EMILIN2: variants seen among roughly 807,000 people sequenced by gnomAD.
EMILIN2 encodes the protein EMILIN-2.
A neutral mutation model predicts 87.1 loss-of-function variants in EMILIN2; 71 were observed. That is an observed-to-expected ratio of 0.82 (90% CI 0.67 to 0.99). EMILIN2 has a LOEUF of 0.99. Ranked by LOEUF, EMILIN2 falls within the 50% of genes least tolerant of loss-of-function variation. The pLI is 0.00. For synonymous variants in EMILIN2, 581 were observed against 563.4 expected, an observed-to-expected ratio of 1.03 and a Z score of -0.44; for missense variants, 1,407 against 1,371.8, an observed-to-expected ratio of 1.03 and a Z score of -0.40.
rs373798733 is a variant in EMILIN2, at chr18:2,891,815, G to A, written c.1688G>A (p.Gly563Glu). ...CLLNIQGKPH[G>E]MEGALPNRED... ...CTGAACATCCAGGGAAAGCCTCATGGGATGGAAGGTGCCTTGCCAAACAGG... is the reference window on the plus strand; with the variant it reads ...CTGAACATCCAGGGAAAGCCTCATGAGATGGAAGGTGCCTTGCCAAACAGG... Residue 563 changes from glycine to glutamate, a missense_variant, in exon 4 of 8, where the codon GGG becomes GAG. Physicochemically the swap from Gly to Glu is moderately conservative, Grantham distance 98 (BLOSUM62 -2). Coordinates refer to ENST00000254528, the MANE Select transcript of EMILIN2 (RefSeq NM_032048.3). This position sits in a 1 kb window ranked among gnomAD's most constrained non-coding sequence, Gnocchi z 4.6. The A allele has an allele frequency of 6.6e-5, 107 of 1,614,230 alleles. No homozygotes were observed. The African/African-American group carries it at 1.3e-3, about 19-fold the overall frequency.
intron 5 of EMILIN2, among the ~76,000 whole-genome samples, chr18:2,908,331 CATCG>C (rs1310321419): frequency 6.6e-6 from 1 of 152,142 alleles, no homozygotes; most frequent in Non-Finnish European, 1.5e-5. Flanking sequence ...TGTATCCACC[CATCG>C]ATACATCCAT....
At position 2,906,764 on chromosome 18, in the gene EMILIN2, T is replaced by A; in HGVS notation, c.2360-19T>A. Reference sequence around the variant, plus strand: ...GGTTTCCTAATCCCGTGTGTTTCTTTCTCCCCGACGCCCGGCAGAGGCGCC... The same window carrying A: ...GGTTTCCTAATCCCGTGTGTTTCTTACTCCCCGACGCCCGGCAGAGGCGCC... On this transcript the variant is annotated intron_variant, in intron 4 of 7. Coordinates refer to ENST00000254528, the MANE Select transcript of EMILIN2 (RefSeq NM_032048.3). 1 of 1,276,632 alleles carries A rather than the reference T, an allele frequency of 7.8e-7. No homozygotes were observed. The highest frequency in any genetic ancestry group is 9.8e-7 in the Non-Finnish European group (1 of 1,015,714). The allele number at this position is 1,276,632 out of a possible 1,614,324, so 79.1% of individuals were successfully genotyped here.
rs2076952359 is a variant in EMILIN2, at chr18:2,913,428, A to C, written c.*24A>C. On this transcript the variant is annotated 3_prime_UTR_variant, in exon 8 of 8. Transcript: ENST00000254528. ...AAGGTGGCTGGGGAGATGTCAGGGGAAAGATAGATAGTTGTAAAAACTCTA... is the reference window on the plus strand; with the variant it reads ...AAGGTGGCTGGGGAGATGTCAGGGGCAAGATAGATAGTTGTAAAAACTCTA... 6.6e-7 allele frequency: 1 copy of C among 1,524,290 alleles called. No homozygotes were observed. The highest frequency in any genetic ancestry group is 8.9e-7 in the Non-Finnish European group (1 of 1,128,010). 94.4% of individuals were successfully genotyped at this position (1,524,290 alleles called of 1,614,324 possible). A position where few individuals can be genotyped will look rare whatever the true frequency, so the allele number is the denominator to read the frequency against.
rs937240650 is a variant in EMILIN2, at chr18:2,914,935, CAG to C, written c.*1536_*1537del. The C allele has an allele frequency of 1.8e-4, 27 of 152,358 alleles. No individual in the cohort carries two copies. Among genetic ancestry groups the C allele is most frequent in the African/African-American group, 4.1e-4 (17 of 41,574 alleles). 9.4% of individuals were successfully genotyped at this position (152,358 alleles called of 1,614,324 possible). On this transcript the variant is annotated 3_prime_UTR_variant, in exon 8 of 8. Coordinates refer to ENST00000254528, the MANE Select transcript of EMILIN2 (RefSeq NM_032048.3). The stretch of plus-strand genomic sequence containing the variant: ...TGGGGAACTGGCTAAAGAGAGCTGT[CAG>C]AGAGTATCCTTGGCTGTCCTAGGAA...
chr18:2,870,918 C>T (rs1018750186), intron 2 of EMILIN2, among the ~76,000 whole-genome samples: 12 of 152,212 alleles, frequency 7.9e-5, no homozygotes, highest in African/African-American at 2.9e-4. Context: ...GTGTGTCTGT[C>T]TCTGTCTCCA....
chr18:2,900,877 A>C (rs77690768), intron 4 of EMILIN2, among the ~76,000 whole-genome samples: 1 of 152,336 alleles, frequency 6.6e-6, no homozygotes, highest in East Asian at 1.9e-4. Context: ...TTTAAAAAAA[A>C]GTCTGAAGTC....
chr18:2,878,154 C>CT (rs1268511473), intron 2 of EMILIN2, among the ~76,000 whole-genome samples: 6 of 152,036 alleles, frequency 3.9e-5, no homozygotes, highest in African/African-American at 1.5e-4. Context: ...GTTAAGTGTG[C>CT]TTAACACCGC....
At chr18:2,857,654 G>A (rs910669634) in intron 2 of EMILIN2, among the ~76,000 whole-genome samples, 61 of 152,290 alleles carry the variant, frequency 4.0e-4, no homozygotes, top group African/African-American at 1.3e-3. Context: ...CCATTAAAGC[G>A]ACTCTGGCTT....
rs139666930 is a variant in EMILIN2 at position 2,908,949 on chromosome 18, C to G, written c.2669C>G (p.Pro890Arg). Residue 890 changes from proline to arginine, a missense_variant, in exon 6 of 8, where the codon CCG (proline) becomes CGG (arginine). Transcript: ENST00000254528. The part of the protein sequence containing the change: ...AEGFAGAPGY[P>R]KSPPVASPGA... ...TTTCCTTTCTGTTTTTCAGGATACC[C>G]GAAGTCACCTCCTGTAGCTTCCCCA... 2 of 1,613,484 alleles carry G rather than the reference C, an allele frequency of 1.2e-6. No homozygotes were observed. Among genetic ancestry groups the G allele is most frequent in the Non-Finnish European group, 1.7e-6 (2 of 1,180,030 alleles).
intron 2 of EMILIN2, among the ~76,000 whole-genome samples, chr18:2,883,610 C>T (rs1166509954): frequency 6.6e-6 from 1 of 152,224 alleles, no homozygotes; most frequent in Non-Finnish European, 1.5e-5. Context: ...CTCCTGGCTC[C>T]TTCCCTGGTG....
chr18:2,864,541 T>C (rs927347049), intron 2 of EMILIN2, among the ~76,000 whole-genome samples: 6 of 152,252 alleles, frequency 3.9e-5, no homozygotes, highest in Non-Finnish European at 8.8e-5. Context: ...GAATGTTGAA[T>C]ATTGGCCCCC....
chr18:2,899,463 C>T (rs567270171), intron 4 of EMILIN2, among the ~76,000 whole-genome samples: 22 of 152,146 alleles, frequency 1.4e-4, no homozygotes, highest in Admixed American at 7.2e-4. Flanking sequence ...TCCTCCTATG[C>T]GCTTCCATAT....
chr18:2,896,735 C>T (rs2076865711), intron 4 of EMILIN2, among the ~76,000 whole-genome samples: 1 of 152,112 alleles, frequency 6.6e-6, no homozygotes, highest in South Asian at 2.1e-4. Context: ...GATTCGCCTG[C>T]CTCAGCCTGG....
At position 2,894,080 on chromosome 18, in the gene EMILIN2, TG is replaced by T. The variant is rs2076852203; in HGVS notation, c.2359+1595del. Among the ~76,000 whole-genome samples, 1 of 152,166 alleles carries T rather than the reference TG, an allele frequency of 6.6e-6. No homozygotes were observed. The highest frequency in any genetic ancestry group is 2.1e-4 in the South Asian group (1 of 4,824). On this transcript the variant is annotated intron_variant, in intron 4 of 7. Transcript: ENST00000254528. The surrounding 1 kb of genome is among the most constrained non-coding windows in gnomAD (Gnocchi z 5.0). The stretch of plus-strand genomic sequence containing the variant: ...TTCCGCTCTGGGTGACACAGGCCCT[TG>T]CACAAGGAACTGAGATTTCATGGCC...
intron 3 of EMILIN2, among the ~76,000 whole-genome samples, chr18:2,889,356 T>C (rs2076821165): frequency 6.6e-6 from 1 of 152,070 alleles, no homozygotes; most frequent in African/African-American, 2.4e-5. Flanking sequence ...CAGGCTGGTC[T>C]TGAACTCCTA....
intron 4 of EMILIN2, among the ~76,000 whole-genome samples, chr18:2,896,258 C>A (rs2076862912): frequency 1.3e-5 from 2 of 152,186 alleles, no homozygotes; most frequent in African/African-American, 2.4e-5. Context: ...TCACTGCAAC[C>A]TCCGCCTCCC....
intron 2 of EMILIN2, among the ~76,000 whole-genome samples, chr18:2,850,775 G>C (rs2076597763): frequency 1.3e-5 from 2 of 152,090 alleles, no homozygotes; most frequent in Admixed American, 1.3e-4. Flanking sequence ...GCATCACTGA[G>C]GCCTTGACAT....
chr18:2,869,050 A>G (rs1371834714), intron 2 of EMILIN2, among the ~76,000 whole-genome samples: 2 of 151,912 alleles, frequency 1.3e-5, no homozygotes, highest in African/African-American at 4.8e-5. Flanking sequence ...TGAGTTCTCT[A>G]TAGGCAGAAA....
Position 2,894,208 on chromosome 18 carries a change from G to A in EMILIN2, c.2359+1722G>A, listed in dbSNP as rs2076852994. The stretch of plus-strand genomic sequence containing the variant: ...AAGCAGGCGAGCTCTGGCTTGGTCA[G>A]GGAGAGCCAGGGCCAGGTCCTGGCA... On this transcript the variant is annotated intron_variant, in intron 4 of 7. Transcript: ENST00000254528. The surrounding 1 kb of genome is among the most constrained non-coding windows in gnomAD (Gnocchi z 5.0). Among the ~76,000 whole-genome samples the A allele has an allele frequency of 6.6e-6, 1 of 152,188 alleles. No homozygotes were observed. Among genetic ancestry groups the A allele is most frequent in the Admixed American group, 6.5e-5 (1 of 15,284 alleles).
Sources: allele counts gnomAD v4.1 joint callset (sites outside exome capture counted in the v4.1 genomes callset), GRCh38; gene constraint gnomAD v4.1.1; non-coding constraint Gnocchi (gnomAD v3.1); transcripts MANE v1.5; gene names NCBI Gene and HGNC (gene_info 2026-07-23, HGNC 2026-07-21).